TESK2: variants seen among roughly 807,000 people sequenced by gnomAD.
TESK2 encodes the protein dual specificity testis-specific protein kinase 2.
In TESK2, 39 loss-of-function variants were observed where a neutral mutation model predicts 57.1. The observed-to-expected ratio is 0.68, with a 90% CI of 0.53 to 0.89. The LOEUF (loss-of-function observed/expected upper bound fraction) is 0.89, where lower values mean the gene tolerates loss of function less well. TESK2 is among the 40% of genes least tolerant of loss of function. The pLI is 0.00. For synonymous variants in TESK2, 249 were observed against 267.9 expected (o/e 0.93, Z 0.69); for missense variants, 646 against 732.1 (o/e 0.88, Z 1.36).
intron 4 of TESK2, among the ~76,000 whole-genome samples, chr1:45,384,977 G>C (rs1648831533): frequency 1.3e-5 from 2 of 151,946 alleles, no homozygotes; most frequent in African/African-American, 4.8e-5. Flanking sequence ...GAGGCACATG[G>C]GACCCTCTTT....
intron 4 of TESK2, among the ~76,000 whole-genome samples, chr1:45,356,177 A>G (rs753440468): frequency 2.6e-5 from 4 of 152,072 alleles, no homozygotes; most frequent in Non-Finnish European, 5.9e-5. Context: ...GAACAAGGCA[A>G]GATTCAAAAT....
At chr1:45,471,100 G>T (rs916780346) in intron 1 of TESK2, among the ~76,000 whole-genome samples, 1 of 151,982 alleles carries the variant, frequency 6.6e-6, no homozygotes, top group African/African-American at 2.4e-5. Context: ...GCATGGTGAC[G>T]TGCACCTATA....
At chr1:45,454,569 A>G (rs2149298871) in intron 2 of TESK2, among the ~76,000 whole-genome samples, 1 of 152,154 alleles carries the variant, frequency 6.6e-6, no homozygotes, top group East Asian at 1.9e-4. Context: ...GTCAACCACA[A>G]TGCCCAGCCA....
chr1:45,447,730 C>T (rs952254321), intron 2 of TESK2, among the ~76,000 whole-genome samples: 4 of 152,096 alleles, frequency 2.6e-5, no homozygotes, highest in African/African-American at 7.2e-5. Flanking sequence ...ACAATTGGCA[C>T]TGTGGTAGGA....
intron 1 of TESK2, among the ~76,000 whole-genome samples, chr1:45,486,782 T>TACACAC (rs71052887): frequency 0.19 from 21,598 of 115,710 alleles, 2,212 homozygotes; most frequent in East Asian, 0.28. Context: ...CCTCCCAGCA[T>TACACAC]ACACACACAC....
chr1:45,389,924 T>C (rs1649066941), intron 3 of TESK2, among the ~76,000 whole-genome samples: 1 of 152,228 alleles, frequency 6.6e-6, no homozygotes, highest in Non-Finnish European at 1.5e-5. Context: ...GAGAGTTACC[T>C]TTTCAAAACA....
At chr1:45,483,294 C>A (rs1258109649) in intron 1 of TESK2, among the ~76,000 whole-genome samples, 5 of 147,320 alleles carry the variant, frequency 3.4e-5, no homozygotes, top group East Asian at 2.0e-4. Flanking sequence ...AAAAAAAAAA[C>A]AACAACAACA....
rs762149049 is a variant in TESK2 at position 45,344,956 on chromosome 1, A to G, written c.1600T>C (p.Cys534Arg). ...ATCTCCTCAGAAGCACCCGCAGGGC[A>G]TGGACTGGTCCCCTGGGGCCTGGAC... Reference protein sequence around the residue: ...FGSRPQGTSPCPAGASEEMEV... With the variant: ...FGSRPQGTSPRPAGASEEMEV... The change falls in exon 11 of 11, where the codon TGC becomes CGC. Residue 534 changes from cysteine (C) to arginine (R), a missense_variant. Transcript: ENST00000372086. 6.2e-7 allele frequency: 1 copy of G among 1,614,238 alleles called. No homozygotes were observed. Among genetic ancestry groups the G allele is most frequent in the Non-Finnish European group, 8.5e-7 (1 of 1,180,040 alleles).
intron 4 of TESK2, among the ~76,000 whole-genome samples, chr1:45,375,998 AG>A (rs1648405133): frequency 6.6e-6 from 1 of 152,184 alleles, no homozygotes; most frequent in Non-Finnish European, 1.5e-5. Flanking sequence ...CAAATGTCAC[AG>A]GGAGTTACTA....
At chr1:45,488,487 C>T (rs933812620) in intron 1 of TESK2, among the ~76,000 whole-genome samples, 1 of 152,182 alleles carries the variant, frequency 6.6e-6, no homozygotes, top group Admixed American at 6.5e-5. Flanking sequence ...ACCTTCCCCT[C>T]ACTTACAGAA....
chr1:45,398,155 T>C (rs1649441536), intron 3 of TESK2, among the ~76,000 whole-genome samples: 1 of 152,170 alleles, frequency 6.6e-6, no homozygotes, highest in East Asian at 1.9e-4. Context: ...GCAATTCTTC[T>C]GTTTCAGCCT....
chr1:45,450,348 C>T (rs1348826189), intron 2 of TESK2, among the ~76,000 whole-genome samples: 1 of 152,114 alleles, frequency 6.6e-6, no homozygotes, highest in Non-Finnish European at 1.5e-5. Context: ...CCCGTCTCTA[C>T]TAAAAGTACA....
chr1:45,462,096 C>T (rs979770334), intron 1 of TESK2, among the ~76,000 whole-genome samples: 3 of 152,104 alleles, frequency 2.0e-5, no homozygotes, highest in African/African-American at 7.2e-5. Flanking sequence ...CAACACACTA[C>T]CCTTCCCACC....
At chr1:45,419,380 T>C (rs1650371979) in intron 3 of TESK2, among the ~76,000 whole-genome samples, 1 of 152,232 alleles carries the variant, frequency 6.6e-6, no homozygotes, top group Non-Finnish European at 1.5e-5. Flanking sequence ...AATTTATTAG[T>C]TCTCTTTCCA....
At position 45,404,735 on chromosome 1, in the gene TESK2, G is replaced by T. The variant is rs1557560313; in HGVS notation, c.344+16990C>A. ...TTTTTGTATTTTTATTAGAGACGGGGTTTCACTATGTTGGCCAGGTTAGTC... is the reference window on the plus strand; with the variant it reads ...TTTTTGTATTTTTATTAGAGACGGGTTTTCACTATGTTGGCCAGGTTAGTC... On this transcript the variant is annotated intron_variant, in intron 3 of 10. Coordinates refer to ENST00000372086, the MANE Select transcript of TESK2 (RefSeq NM_007170.3). 2.6e-5 allele frequency among the ~76,000 whole-genome samples: 4 copies of T among 151,882 alleles called. No homozygotes were observed. In the South Asian group the frequency reaches 8.3e-4, roughly 31 times the overall value.
chr1:45,367,820 G>A (rs1216138627), intron 4 of TESK2, among the ~76,000 whole-genome samples: 1 of 150,066 alleles, frequency 6.7e-6, no homozygotes, highest in Non-Finnish European at 1.5e-5. Flanking sequence ...ACCACGCCCA[G>A]CTAATTTTTT....
intron 2 of TESK2, among the ~76,000 whole-genome samples, chr1:45,428,017 C>G (rs1425764575): frequency 1.3e-5 from 2 of 152,036 alleles, no homozygotes; most frequent in Admixed American, 1.3e-4. Context: ...TCATGTACCC[C>G]ATAAATATTA....
intron 5 of TESK2, among the ~76,000 whole-genome samples, chr1:45,352,323 G>A (rs754646213): frequency 6.6e-5 from 10 of 152,212 alleles, no homozygotes; most frequent in Non-Finnish European, 8.8e-5. Context: ...TATGTTCCTA[G>A]TTTCTTGTCT....
chr1:45,395,636 C>G (rs1329614508), intron 3 of TESK2, among the ~76,000 whole-genome samples: 1 of 149,892 alleles, frequency 6.7e-6, no homozygotes, highest in Admixed American at 6.7e-5. Context: ...AGACAAGGTC[C>G]CACTCTGTCA....
Sources: gnomAD v4.1 joint callset for allele counts (sites outside exome capture counted in the v4.1 genomes callset) on GRCh38, gnomAD v4.1.1 for gene constraint, MANE v1.5 for transcripts, NCBI Gene and HGNC (gene_info 2026-07-23, HGNC 2026-07-21) for gene names.